The following SLC9A9 variants were observed in gnomAD, a reference collection of about 807,000 sequenced individuals.
The protein encoded by SLC9A9 is solute carrier family 9 member A9.
SLC9A9 carries 62 observed loss-of-function variants against 77.8 expected under a neutral mutation model. The ratio of observed to expected loss-of-function variants is 0.80; its 90% CI spans 0.65 to 0.98. The LOEUF is 0.98. Among genes scored for constraint, SLC9A9 ranks in the 50% least tolerant of loss-of-function variants. The pLI is 0.00. For synonymous variants in SLC9A9, 320 were observed against 283.5 expected, an observed-to-expected ratio of 1.13 and a Z score of -1.29; for missense variants, 775 against 774.9, an observed-to-expected ratio of 1.00 and a Z score of 0.00.
chr3:143,848,232 G>T lies in SLC9A9; in HGVS notation c.91C>A (p.Leu31Ile). 6.2e-7 allele frequency: 1 copy of T among 1,613,956 alleles called. No individual in the cohort carries two copies. Among genetic ancestry groups the T allele is most frequent in the Non-Finnish European group, 8.5e-7 (1 of 1,179,940 alleles). Residue 31 changes from leucine (L) to isoleucine (I), a missense_variant, in exon 1 of 16, where the codon CTC (leucine) becomes ATC (isoleucine). By Grantham distance (5) the Leu-to-Ile change is conservative (BLOSUM62 2). Coordinates refer to ENST00000316549, the MANE Select transcript of SLC9A9 (RefSeq NM_173653.4). ...CAGATTGTCAAAATGGTAAGGATGA[G>T]CAAAAAATTGAAGACAAGCAGCTCC... ...AVELLVFNFLLILTILTIWLF... is the reference protein window; with the variant it reads ...AVELLVFNFLIILTILTIWLF...
chr3:143,458,219 C>G (rs2035127012), intron 12 of SLC9A9, among the ~76,000 whole-genome samples: 1 of 152,076 alleles, frequency 6.6e-6, no homozygotes, highest in Non-Finnish European at 1.5e-5. Flanking sequence ...TTCTTGCTCT[C>G]AAGACTATTT....
At chr3:143,568,004 A>G (rs555665451) in intron 8 of SLC9A9, among the ~76,000 whole-genome samples, 24 of 152,148 alleles carry the variant, frequency 1.6e-4, no homozygotes, top group Non-Finnish European at 3.2e-4. Flanking sequence ...CTCATGGACT[A>G]TTCCTTCCTT....
chr3:143,572,278 T>G (rs2037274312), intron 8 of SLC9A9, among the ~76,000 whole-genome samples: 1 of 151,426 alleles, frequency 6.6e-6, no homozygotes, highest in Admixed American at 6.6e-5. Context: ...TTACACAAAT[T>G]GACAATTCTT....
intron 12 of SLC9A9, among the ~76,000 whole-genome samples, chr3:143,453,638 A>G (rs1450094574): frequency 1.3e-5 from 2 of 152,190 alleles, no homozygotes; most frequent in African/African-American, 2.4e-5. Context: ...AATCAAAGCT[A>G]TAAGTTAAAA....
intron 14 of SLC9A9, among the ~76,000 whole-genome samples, chr3:143,344,212 A>G (rs2032191755): frequency 6.6e-6 from 1 of 152,188 alleles, no homozygotes. Flanking sequence ...TTCTATGACT[A>G]CCGAGCTTTC....
intron 14 of SLC9A9, among the ~76,000 whole-genome samples, chr3:143,280,717 A>T (rs1054561233): frequency 6.6e-6 from 1 of 151,524 alleles, no homozygotes; most frequent in Non-Finnish European, 1.5e-5. Context: ...TGCCCAGCTA[A>T]TTTTTGTATT....
At chr3:143,810,086 G>T (rs913813225) in intron 2 of SLC9A9, among the ~76,000 whole-genome samples, 2 of 152,118 alleles carry the variant, frequency 1.3e-5, no homozygotes, top group African/African-American at 4.8e-5. Context: ...AAGATAAAAT[G>T]GGAGAGAGAA....
intron 2 of SLC9A9, among the ~76,000 whole-genome samples, chr3:143,816,696 G>A (rs550394873): frequency 2.6e-5 from 4 of 152,230 alleles, no homozygotes; most frequent in Admixed American, 1.3e-4. Flanking sequence ...GGCCTGCTGG[G>A]GTATGAGGTA....
At chr3:143,293,872 G>A (rs576516900) in intron 14 of SLC9A9, among the ~76,000 whole-genome samples, 16 of 152,258 alleles carry the variant, frequency 1.1e-4, no homozygotes, top group Non-Finnish European at 1.9e-4. Context: ...GAATGTCTCT[G>A]TAACCCTTGC....
At chr3:143,831,884 A>G in intron 2 of SLC9A9, 135 bp downstream of exon 2, 1 of 773,002 alleles carries the variant, frequency 1.3e-6, no homozygotes, top group South Asian at 1.8e-5. Flanking sequence ...TAGTCAATTA[A>G]CGTCTCCAAA....
intron 9 of SLC9A9, among the ~76,000 whole-genome samples, chr3:143,537,390 C>T (rs544765274): frequency 1.3e-5 from 2 of 152,296 alleles, no homozygotes; most frequent in Admixed American, 1.3e-4. Flanking sequence ...GCCCATCCCT[C>T]AGCTGCCTGC....
rs573271858 is a variant in SLC9A9 at position 143,458,671 on chromosome 3, A to G, written c.1469+8366T>C. ...ACAATACATTTTGAATTAATAGTTT[A>G]CCACTTCAAGTGGAATGTAGAAAAC... is the stretch of plus-strand genomic sequence containing the variant. On this transcript the variant is annotated intron_variant, in intron 12 of 15. Transcript: ENST00000316549. 3.3e-5 allele frequency among the ~76,000 whole-genome samples: 5 copies of G among 152,232 alleles called. No individual in the cohort carries two copies. In the South Asian group the frequency reaches 1.0e-3, roughly 32 times the overall value.
intron 5 of SLC9A9, among the ~76,000 whole-genome samples, chr3:143,654,714 T>G (rs1380571430): frequency 6.6e-6 from 1 of 152,158 alleles, no homozygotes; most frequent in Admixed American, 6.5e-5. Context: ...GCTGTTCATT[T>G]GTATCATCAA....
chr3:143,658,383 G>A (rs985688754), intron 5 of SLC9A9, among the ~76,000 whole-genome samples: 4 of 152,158 alleles, frequency 2.6e-5, no homozygotes, highest in African/African-American at 7.2e-5. Flanking sequence ...AGTCATCTTC[G>A]GTAGAGCTTA....
intron 11 of SLC9A9, among the ~76,000 whole-genome samples, chr3:143,480,711 G>A (rs1037183404): frequency 2.0e-5 from 3 of 152,202 alleles, no homozygotes; most frequent in Admixed American, 2.0e-4. Context: ...CCTGACCTCT[G>A]CCCGGTTAGC....
At chr3:143,367,680 G>C (rs557595483) in intron 13 of SLC9A9, among the ~76,000 whole-genome samples, 12 of 152,346 alleles carry the variant, frequency 7.9e-5, no homozygotes, top group African/African-American at 2.9e-4. Context: ...GGAGGGTCCA[G>C]ATGGGCAGCG....
At chr3:143,841,640 G>T (rs2009708957) in intron 1 of SLC9A9, among the ~76,000 whole-genome samples, 1 of 152,072 alleles carries the variant, frequency 6.6e-6, no homozygotes, top group Admixed American at 6.6e-5. Context: ...CACTGAGGGG[G>T]GAGTCCTTCG....
chr3:143,521,498 A>G (rs1469057515), intron 9 of SLC9A9, among the ~76,000 whole-genome samples: 1 of 152,192 alleles, frequency 6.6e-6, no homozygotes, highest in Non-Finnish European at 1.5e-5. Flanking sequence ...CTTTTGATGT[A>G]TGAGTTTAAT....
At chr3:143,810,829 A>G (rs2008845807) in intron 2 of SLC9A9, among the ~76,000 whole-genome samples, 1 of 152,214 alleles carries the variant, frequency 6.6e-6, no homozygotes, top group Non-Finnish European at 1.5e-5. Flanking sequence ...TATATTATAG[A>G]GAGACTGACT....
Sources: allele counts gnomAD v4.1 joint callset (sites outside exome capture counted in the v4.1 genomes callset), GRCh38; gene constraint gnomAD v4.1.1; transcripts MANE v1.5; gene names NCBI Gene and HGNC (gene_info 2026-07-23, HGNC 2026-07-21).